MYL6B: variants seen among roughly 807,000 people sequenced by gnomAD.
MYL6B encodes the protein myosin light chain 6B.
MYL6B carries 19 observed loss-of-function variants against 24.5 expected under a neutral mutation model. The ratio of observed to expected loss-of-function variants is 0.78; its 90% CI spans 0.54 to 1.14. The LOEUF is 1.14. Ranked by LOEUF, MYL6B falls within the 50% of genes most tolerant of loss-of-function variation. The pLI is 0.00. For missense variants in MYL6B, 230 were observed against 263.8 expected, an observed-to-expected ratio of 0.87 and a Z score of 0.89; for synonymous variants, 90 against 100.7, an observed-to-expected ratio of 0.89 and a Z score of 0.64.
intron 5 of MYL6B, 114 bp from the exon 6 acceptor site, chr12:56,157,354 A>T: frequency 1.0e-6 from 1 of 965,604 alleles, no homozygotes; most frequent in Non-Finnish European, 1.6e-6. Flanking sequence ...GCTCCACTGC[A>T]CTCCAGCCTG....
At chr12:56,157,942 C>T in exon 7 of MYL6B, 1 of 599,988 alleles carries the variant, frequency 1.7e-6, no homozygotes, top group South Asian at 2.0e-5. Flanking sequence ...CACCAGGAGG[C>T]CACCTATTGT....
chr12:56,155,415 C>G lies in MYL6B; in HGVS notation c.347-4C>G. The G allele has an allele frequency of 6.2e-7, 1 of 1,614,204 alleles. No individual in the cohort carries two copies. The highest frequency in any genetic ancestry group is 8.5e-7 in the Non-Finnish European group (1 of 1,180,046). On this transcript the variant is annotated splice_region_variant and splice_polypyrimidine_tract_variant and intron_variant, in intron 4 of 6. Coordinates refer to ENST00000553066, the Ensembl canonical transcript of MYL6B. ...CCTCTCCTTTACCTCTCTCCAACCTCCAGAGCTGAAGTCGCGGCGTGTGGA... is the reference window on the plus strand; with the variant it reads ...CCTCTCCTTTACCTCTCTCCAACCTGCAGAGCTGAAGTCGCGGCGTGTGGA...
intron 5 of MYL6B, chr12:56,157,252 CG>C: frequency 2.0e-6 from 1 of 509,570 alleles, no homozygotes; most frequent in Non-Finnish European, 3.6e-6. Flanking sequence ...AAAAATTAGC[CG>C]GGCGCCTGTA....
intron 6 of MYL6B, 59 bp from the exon 7 acceptor site, chr12:56,157,639 G>C: frequency 6.2e-7 from 1 of 1,613,364 alleles, no homozygotes; most frequent in Middle Eastern, 1.6e-4. Flanking sequence ...ATTACCTAGA[G>C]TCAGATGTAT....
In MYL6B at chr12:56,156,016, C is replaced by T. The variant is rs376117473; in HGVS notation, c.520+424C>T. The T allele has an allele frequency of 7.2e-4, 814 of 1,131,108 alleles. 10 individuals carry two copies. The South Asian group carries it at 0.014, about 19-fold the overall frequency. 70.1% of individuals were successfully genotyped at this position (1,131,108 alleles called of 1,614,324 possible). ...GAAGAAGAGGTACCACTCTAAAGAG[C>T]GTGGCCTGGCCAGGTATGGTGGCTC... is the stretch of plus-strand genomic sequence containing the variant. On this transcript the variant is annotated intron_variant, in intron 5 of 6. Transcript: ENST00000553066.
chr12:56,153,945 G>A, exon 2 of MYL6B: 1 of 1,613,698 alleles, frequency 6.2e-7, no homozygotes, highest in African/African-American at 1.3e-5. Flanking sequence ...ATGTTCCCGT[G>A]AAGAAACCAG....
At chr12:56,155,393 C>T in intron 4 of MYL6B, 26 bp from the exon 5 acceptor site, 1 of 1,614,126 alleles carries the variant, frequency 6.2e-7, no homozygotes, top group Non-Finnish European at 8.5e-7. Flanking sequence ...ACAATGACCT[C>T]TCCTTTACCT....
intron 5 of MYL6B, 43 bp downstream of exon 5, chr12:56,155,635 G>C (rs1326795957): frequency 6.2e-7 from 1 of 1,611,690 alleles, no homozygotes; most frequent in Non-Finnish European, 8.5e-7. Context: ...AGAGTGGAGA[G>C]GGGGATGGGG....
intron 5 of MYL6B, 123 bp from the exon 6 acceptor site, chr12:56,157,345 C>A: frequency 2.3e-6 from 2 of 860,688 alleles, no homozygotes; most frequent in Non-Finnish European, 3.7e-6. Flanking sequence ...GATCGCTCCG[C>A]TCCACTGCAC....
At chr12:56,154,972 C>T in intron 3 of MYL6B, 83 bp from the exon 4 acceptor site, 1 of 1,559,172 alleles carries the variant, frequency 6.4e-7, no homozygotes, top group Non-Finnish European at 8.7e-7. Context: ...TTGTTCTGTT[C>T]ACATAGTTTC....
rs928788870 is a variant in MYL6B at position 56,155,312 on chromosome 12, G to A, written c.347-107G>A. On this transcript the variant is annotated intron_variant, in intron 4 of 6. Coordinates refer to ENST00000553066, the Ensembl canonical transcript of MYL6B. The stretch of plus-strand genomic sequence containing the variant: ...CAAAAACTGTCAAACACAGAAGCAG[G>A]AAAATATCCTAAATGCTGAATAGGA... 4.5e-6 allele frequency: 7 copies of A among 1,570,942 alleles called. No individual in the cohort carries two copies. The South Asian group carries it at 5.9e-5, about 13-fold the overall frequency.
Position 56,155,159 on chromosome 12 carries a change from G to A in MYL6B, c.307G>A (p.Ala103Thr), listed in dbSNP as rs777515431. 34 of 1,613,658 alleles carry A rather than the reference G, an allele frequency of 2.1e-5. No individual in the cohort carries two copies. The highest frequency in any genetic ancestry group is 3.3e-5 in the Admixed American group (2 of 59,920). ...GGCCCTGGGCCAGAACCCCACCAAC[G>A]CCGAGGTGCTCAAGGTCCTGGGGAA... Residue 103 changes from alanine (A) to threonine (T), a missense_variant, in exon 4 of 7, where the codon GCC (alanine) becomes ACC (threonine). By Grantham distance (58) the Ala-to-Thr change is moderately conservative. Transcript: ENST00000553066.
Position 56,157,723 on chromosome 12 carries a change from C to CT in MYL6B, c.625dup (p.Ter209LeufsTer80). 2 of 1,612,212 alleles carry CT rather than the reference C, an allele frequency of 1.2e-6. No individual in the cohort carries two copies. Among genetic ancestry groups the CT allele is most frequent in the Non-Finnish European group, 1.7e-6 (2 of 1,180,010 alleles). On this transcript the variant is annotated frameshift_variant, in exon 7 of 7. Coordinates refer to ENST00000553066, the Ensembl canonical transcript of MYL6B. LOFTEE classifies it high-confidence loss of function. Reference sequence around the variant, plus strand: ...CCTTCTTGAAACACATCCTAAGCGTCTGAGTGCTGCAGGTAGGGCCCTCCC... The same window carrying CT: ...CCTTCTTGAAACACATCCTAAGCGTCTTGAGTGCTGCAGGTAGGGCCCTCCC...
rs982063640 is a variant in MYL6B at position 56,153,773 on chromosome 12, C to T, written c.-46-100C>T. 27 of 791,512 alleles carry T rather than the reference C, an allele frequency of 3.4e-5. 1 individual carries two copies. Among genetic ancestry groups the T allele is most frequent in the East Asian group, 2.7e-4 (10 of 36,560 alleles). The allele number at this position is 791,512 out of a possible 1,614,324, so 49.0% of individuals were successfully genotyped here. ...AGGAGGCCAGGGGAGTGAGGGCAGG[C>T]GGTTATATCTCTCCTCTACCTCATC... On this transcript the variant is annotated intron_variant, in intron 1 of 6. Transcript: ENST00000553066.
chr12:56,154,935 C>T (rs2136904176), intron 3 of MYL6B, 95 bp downstream of exon 3: 1 of 1,564,766 alleles, frequency 6.4e-7, no homozygotes, highest in Non-Finnish European at 8.7e-7. Flanking sequence ...ACCTTGAAAC[C>T]TCCCATACTA....
chr12:56,155,714 G>A, intron 5 of MYL6B, 122 bp downstream of exon 5: 1 of 1,559,384 alleles, frequency 6.4e-7, no homozygotes, highest in Non-Finnish European at 8.6e-7. Context: ...TTGTCGGCAG[G>A]AGACTGAGAA....
Position 56,154,339 on chromosome 12 carries a change from G to A in MYL6B, c.174+247G>A, listed in dbSNP as rs560744280. On this transcript the variant is annotated intron_variant, in intron 2 of 6. Coordinates refer to ENST00000553066, the Ensembl canonical transcript of MYL6B. ...ACACACTCACTTACCCCCTGCTGGA[G>A]GCAGGGACTCTTAGATGGGGAACAT... Among the ~76,000 whole-genome samples, 5 of 152,284 alleles carry A rather than the reference G, an allele frequency of 3.3e-5. No individual in the cohort carries two copies. The East Asian group carries it at 9.6e-4, about 29-fold the overall frequency.
At chr12:56,157,009 C>T (rs1054491968) in intron 5 of MYL6B, 1 of 153,626 alleles carries the variant, frequency 6.5e-6, no homozygotes, top group African/African-American at 2.5e-5. Context: ...GATGATGTCA[C>T]TGCACTCCAG....
exon 3 of MYL6B, chr12:56,154,830 C>G (rs186296129): frequency 6.2e-7 from 1 of 1,613,050 alleles, no homozygotes; most frequent in South Asian, 1.1e-5. Context: ...TTAACAAGGA[C>G]CAGCTGGAGG....
Sources: gnomAD v4.1 joint callset for allele counts (sites outside exome capture counted in the v4.1 genomes callset) on GRCh38, gnomAD v4.1.1 for gene constraint, MANE v1.5 for transcripts, NCBI Gene and HGNC (gene_info 2026-07-23, HGNC 2026-07-21) for gene names.